ZNF804B: variants seen among roughly 807,000 people sequenced by gnomAD.
ZNF804B encodes the protein zinc finger protein 804B, also known as zinc finger 804B.
A neutral mutation model predicts 101.4 loss-of-function variants in ZNF804B; 80 were observed. The ratio of observed to expected loss-of-function variants is 0.79; its 90% CI spans 0.66 to 0.95. The LOEUF is 0.95. Among genes scored for constraint, ZNF804B ranks in the 40% least tolerant of loss-of-function variants. The pLI, the probability that ZNF804B is intolerant of heterozygous loss-of-function variation, is 0.00. For missense variants in ZNF804B, 1,673 were observed against 1,561.9 expected (o/e 1.07, Z -1.20); for synonymous variants, 622 against 558.8 (o/e 1.11, Z -1.59).
intron 1 of ZNF804B, among the ~76,000 whole-genome samples, chr7:88,955,276 T>C (rs535050008): frequency 3.6e-4 from 55 of 151,740 alleles, no homozygotes; most frequent in Non-Finnish European, 6.3e-4. Flanking sequence ...TAAACAAGTA[T>C]GTTGCTTTTT....
chr7:88,881,452 A>G (rs1056218565), intron 1 of ZNF804B, among the ~76,000 whole-genome samples: 2 of 152,276 alleles, frequency 1.3e-5, no homozygotes, highest in East Asian at 3.9e-4. Context: ...TTTAAATAAG[A>G]ATGCAGAGAT....
At chr7:89,309,137 T>A (rs38935) in intron 2 of ZNF804B, among the ~76,000 whole-genome samples, 1 of 151,836 alleles carries the variant, frequency 6.6e-6, no homozygotes, top group South Asian at 2.1e-4. Context: ...CCTTGCCCCC[T>A]TCCCTTCCTT....
chr7:89,208,311 T>C lies in ZNF804B; in HGVS notation c.109-9844T>C, dbSNP rs183428433. ...GTTAGCCAGGATGGTCTCAATCTCC[T>C]GACCTCGTGATCCACCCGCCTTGGC... On this transcript the variant is annotated intron_variant, in intron 1 of 3. Coordinates refer to ENST00000333190, the MANE Select transcript of ZNF804B (RefSeq NM_181646.5). Among the ~76,000 whole-genome samples the C allele has an allele frequency of 4.7e-3, 709 of 152,240 alleles. 6 individuals are homozygous for C. The highest frequency in any genetic ancestry group is 0.016 in the African/African-American group (663 of 41,560).
intron 2 of ZNF804B, among the ~76,000 whole-genome samples, chr7:89,234,999 G>A (rs1789258555): frequency 6.6e-6 from 1 of 151,954 alleles, no homozygotes; most frequent in Non-Finnish European, 1.5e-5. Flanking sequence ...GGAGAATTTG[G>A]ACTATTACAC....
At chr7:89,129,934 A>T (rs1030784010) in intron 1 of ZNF804B, among the ~76,000 whole-genome samples, 1 of 152,044 alleles carries the variant, frequency 6.6e-6, no homozygotes. Flanking sequence ...GCTAATGATG[A>T]GGAATTCATT....
intron 2 of ZNF804B, among the ~76,000 whole-genome samples, chr7:89,311,702 C>G (rs1411043000): frequency 3.3e-5 from 5 of 152,180 alleles, no homozygotes; most frequent in African/African-American, 1.2e-4. Context: ...GTGACTACTA[C>G]TACTAACTCA....
In ZNF804B at chr7:89,194,512, GT is replaced by G. The variant is rs967526068; in HGVS notation, c.109-23640del. On this transcript the variant is annotated intron_variant, in intron 1 of 3. Coordinates refer to ENST00000333190, the MANE Select transcript of ZNF804B (RefSeq NM_181646.5). ...GTATAAGGTGTAAGGAAGGGATCCA[GT>G]TTCAGCTTTCTATATATGGCTAGCC... Among the ~76,000 whole-genome samples the G allele has an allele frequency of 8.5e-4, 127 of 150,110 alleles. 1 individual carries two copies. The highest frequency in any genetic ancestry group is 2.8e-3 in the African/African-American group (115 of 40,674).
chr7:88,881,266 A>G (rs1342369520), intron 1 of ZNF804B, among the ~76,000 whole-genome samples: 1 of 152,132 alleles, frequency 6.6e-6, no homozygotes, highest in Non-Finnish European at 1.5e-5. Context: ...TTTTTGGACA[A>G]TTGAAACCTA....
chr7:88,923,257 G>T (rs540646903), intron 1 of ZNF804B, among the ~76,000 whole-genome samples: 2 of 151,988 alleles, frequency 1.3e-5, no homozygotes, highest in African/African-American at 4.8e-5. Flanking sequence ...TGCTTTGGGG[G>T]TATCTGCCAT....
Position 89,268,614 on chromosome 7 carries a change from C to T in ZNF804B, c.249+50319C>T, listed in dbSNP as rs374944483. 7.6e-4 allele frequency among the ~76,000 whole-genome samples: 115 copies of T among 151,608 alleles called. 1 individual carries two copies. The South Asian group carries it at 0.022, about 29-fold the overall frequency. The stretch of plus-strand genomic sequence containing the variant: ...ACATTTTCTTTTTAATAAAACAGAG[C>T]GCAAATTTAAGAGTCTTGTAATGGG... On this transcript the variant is annotated intron_variant, in intron 2 of 3. Transcript: ENST00000333190.
intron 1 of ZNF804B, among the ~76,000 whole-genome samples, chr7:88,860,957 A>G (rs1284237249): frequency 6.6e-6 from 1 of 152,124 alleles, no homozygotes; most frequent in Non-Finnish European, 1.5e-5. Flanking sequence ...TTCCTGGAAG[A>G]AATAAAGTTG....
chr7:89,039,729 G>A (rs1319354098), intron 1 of ZNF804B, among the ~76,000 whole-genome samples: 1 of 151,382 alleles, frequency 6.6e-6, no homozygotes, highest in East Asian at 2.0e-4. Flanking sequence ...CTTATCCTAT[G>A]TCCTCCATCT....
chr7:89,298,773 T>C (rs370970244), intron 2 of ZNF804B, among the ~76,000 whole-genome samples: 31 of 152,138 alleles, frequency 2.0e-4, no homozygotes, highest in African/African-American at 6.5e-4. Context: ...AATCACTATA[T>C]CATAAGGTAA....
At chr7:88,957,597 G>T (rs1043414718) in intron 1 of ZNF804B, among the ~76,000 whole-genome samples, 2 of 151,296 alleles carry the variant, frequency 1.3e-5, no homozygotes, top group Non-Finnish European at 3.0e-5. Flanking sequence ...AATTATGAAA[G>T]AAGATTGTGA....
intron 2 of ZNF804B, among the ~76,000 whole-genome samples, chr7:89,305,629 A>AT (rs938971264): frequency 6.6e-6 from 1 of 152,012 alleles, no homozygotes; most frequent in Non-Finnish European, 1.5e-5. Flanking sequence ...ATAGTTTCCA[A>AT]TTTTTTATCA....
intron 1 of ZNF804B, among the ~76,000 whole-genome samples, chr7:88,890,302 C>A (rs1792197265): frequency 6.6e-6 from 1 of 152,020 alleles, no homozygotes; most frequent in African/African-American, 2.4e-5. Context: ...GTAAAGTGTT[C>A]AAACAATTTT....
rs187654163 is a variant in ZNF804B, at chr7:89,021,489, G to C, written c.109-196666G>C. On this transcript the variant is annotated intron_variant, in intron 1 of 3. Coordinates refer to ENST00000333190, the MANE Select transcript of ZNF804B (RefSeq NM_181646.5). ...CTCAAGCCCTAGATATGGGCACAAGGCCACTCCTGCCAACCTGATTGTGTG... is the reference window on the plus strand; with the variant it reads ...CTCAAGCCCTAGATATGGGCACAAGCCCACTCCTGCCAACCTGATTGTGTG... Among the ~76,000 whole-genome samples the C allele has an allele frequency of 2.1e-3, 325 of 152,280 alleles. 7 individuals are homozygous for C. The highest frequency in any genetic ancestry group is 0.019 in the Admixed American group (291 of 15,298).
intron 1 of ZNF804B, among the ~76,000 whole-genome samples, chr7:88,960,842 C>G (rs1376526495): frequency 6.6e-6 from 1 of 151,178 alleles, no homozygotes; most frequent in African/African-American, 2.4e-5. Context: ...GTTTTTGGAA[C>G]AAATATTTAT....
intron 1 of ZNF804B, among the ~76,000 whole-genome samples, chr7:89,058,502 C>G (rs1789329538): frequency 6.6e-6 from 1 of 152,058 alleles, no homozygotes; most frequent in Admixed American, 6.6e-5. Context: ...CATAACATTC[C>G]TACTAAACAA....
Sources: gnomAD v4.1 joint callset for allele counts (sites outside exome capture counted in the v4.1 genomes callset) on GRCh38, gnomAD v4.1.1 for gene constraint, MANE v1.5 for transcripts, NCBI Gene and HGNC (gene_info 2026-07-23, HGNC 2026-07-21) for gene names.